The following ANKRD6 variants were observed in gnomAD, a reference collection of about 807,000 sequenced individuals.
ANKRD6 encodes ankyrin repeat domain 6.
A neutral mutation model predicts 82.3 loss-of-function variants in ANKRD6; 56 were observed. The ratio of observed to expected loss-of-function variants is 0.68; its 90% confidence interval spans 0.55 to 0.85. ANKRD6 has a LOEUF of 0.85. ANKRD6 is among the 40% of genes least tolerant of loss of function. The pLI, the probability that ANKRD6 is intolerant of heterozygous loss-of-function variation, is 0.00. For missense variants in ANKRD6, 852 were observed against 907.6 expected (o/e 0.94, Z 0.79); for synonymous variants, 347 against 352.1 (o/e 0.99, Z 0.16).
chr6:89,480,042 C>T (rs1180142903), intron 1 of ANKRD6, among the ~76,000 whole-genome samples: 1 of 152,118 alleles, frequency 6.6e-6, no homozygotes, highest in African/African-American at 2.4e-5. Context: ...TTAAGTTCCT[C>T]CTCCACCTAA....
At chr6:89,483,017 C>G (rs1776977058) in intron 1 of ANKRD6, among the ~76,000 whole-genome samples, 1 of 152,168 alleles carries the variant, frequency 6.6e-6, no homozygotes. Flanking sequence ...AACTCCAGAC[C>G]AGTTGCTTTT....
intron 1 of ANKRD6, among the ~76,000 whole-genome samples, chr6:89,541,797 GAT>G (rs552201673): frequency 2.7e-5 from 4 of 150,506 alleles, no homozygotes; most frequent in Admixed American, 6.6e-5. Flanking sequence ...TTTTCATAGA[GAT>G]ATATATATAT....
chr6:89,476,128 A>C (rs1041650203), intron 1 of ANKRD6, among the ~76,000 whole-genome samples: 1 of 152,120 alleles, frequency 6.6e-6, no homozygotes. Flanking sequence ...ACATGTGAAT[A>C]TATTTTACCA....
intron 2 of ANKRD6, among the ~76,000 whole-genome samples, chr6:89,570,063 A>ATGTGTGTGTGTGTGTGTGTG (rs10651458): frequency 2.2e-4 from 33 of 148,870 alleles, no homozygotes; most frequent in South Asian, 2.1e-3. Flanking sequence ...ATGTGTGTAT[A>ATGTGTGTGTGTGTGTGTGTG]TGTGTGTGTG....
At chr6:89,485,937 G>A (rs1777314235) in intron 1 of ANKRD6, among the ~76,000 whole-genome samples, 1 of 152,130 alleles carries the variant, frequency 6.6e-6, no homozygotes, top group Non-Finnish European at 1.5e-5. Flanking sequence ...TCTATTACCT[G>A]AAGCATGCGT....
intron 1 of ANKRD6, among the ~76,000 whole-genome samples, chr6:89,440,808 A>C (rs1269307969): frequency 1.4e-5 from 2 of 147,718 alleles, no homozygotes; most frequent in African/African-American, 4.9e-5. Flanking sequence ...CCCATCTCGA[A>C]AAAAAAAAAA....
At chr6:89,460,642 G>A (rs1010339225) in intron 1 of ANKRD6, among the ~76,000 whole-genome samples, 1 of 151,912 alleles carries the variant, frequency 6.6e-6, no homozygotes, top group African/African-American at 2.4e-5. Context: ...CACCATGTTG[G>A]CCAGGCTGGT....
intron 1 of ANKRD6, among the ~76,000 whole-genome samples, chr6:89,494,415 G>C (rs1778367035): frequency 6.6e-6 from 1 of 152,184 alleles, no homozygotes; most frequent in South Asian, 2.1e-4. Context: ...GGGCTGTGCA[G>C]GCCTGGCAAG....
intron 1 of ANKRD6, among the ~76,000 whole-genome samples, chr6:89,471,037 CTGTGTGTGTGTGCACG>C (rs1192037848): frequency 1.3e-5 from 2 of 151,664 alleles, no homozygotes; most frequent in Admixed American, 6.6e-5. Flanking sequence ...AAGTTAACGC[CTGTGTGTGTGTGCACG>C]TGCACACACT....
intron 3 of ANKRD6, among the ~76,000 whole-genome samples, chr6:89,596,236 C>T (rs1281469829): frequency 6.6e-6 from 1 of 152,028 alleles, no homozygotes; most frequent in African/African-American, 2.4e-5. Flanking sequence ...GGTGGTTCTC[C>T]ATCATGGTTC....
intron 1 of ANKRD6, among the ~76,000 whole-genome samples, chr6:89,517,770 A>C (rs1189740929): frequency 1.1e-4 from 16 of 152,354 alleles, no homozygotes. Flanking sequence ...TGCTAAACAG[A>C]GTAGATGCAC....
At chr6:89,543,636 C>T in intron 1 of ANKRD6, among the ~76,000 whole-genome samples, 1 of 152,206 alleles carries the variant, frequency 6.6e-6, no homozygotes, top group East Asian at 1.9e-4. Context: ...AAATCTTTAT[C>T]ATATGAACTG....
At chr6:89,501,176 C>T (rs1490677106) in intron 1 of ANKRD6, among the ~76,000 whole-genome samples, 2 of 152,120 alleles carry the variant, frequency 1.3e-5, no homozygotes, top group Non-Finnish European at 2.9e-5. Flanking sequence ...TTATATGGAA[C>T]ATAATTTGTA....
At chr6:89,468,472 A>G (rs1459062219) in intron 1 of ANKRD6, among the ~76,000 whole-genome samples, 1 of 151,950 alleles carries the variant, frequency 6.6e-6, no homozygotes, top group African/African-American at 2.4e-5. Flanking sequence ...TTTTTGTCTT[A>G]ATTTTTCTAT....
intron 1 of ANKRD6, among the ~76,000 whole-genome samples, chr6:89,518,046 A>C (rs1428925907): frequency 6.6e-6 from 1 of 152,242 alleles, no homozygotes; most frequent in Non-Finnish European, 1.5e-5. Flanking sequence ...AACAGCAAAA[A>C]CTGACATGGT....
intron 1 of ANKRD6, among the ~76,000 whole-genome samples, chr6:89,496,269 G>T (rs2127862935): frequency 6.6e-6 from 1 of 152,100 alleles, no homozygotes; most frequent in Admixed American, 6.6e-5. Context: ...CCTGTGAAGG[G>T]GTGTGAGGTC....
intron 1 of ANKRD6, among the ~76,000 whole-genome samples, chr6:89,497,692 C>G (rs1024941828): frequency 6.6e-6 from 1 of 152,052 alleles, no homozygotes; most frequent in African/African-American, 2.4e-5. Context: ...ATCTTCAGAG[C>G]TTTCGAATTT....
intron 12 of ANKRD6, 36 bp downstream of exon 12, chr6:89,624,093 G>A (rs1804684597): frequency 1.3e-6 from 2 of 1,554,746 alleles, no homozygotes; most frequent in African/African-American, 1.4e-5. Context: ...AGGGAACATA[G>A]GCCTTCAGCA....
At chr6:89,498,714 T>C (rs1158366248) in intron 1 of ANKRD6, among the ~76,000 whole-genome samples, 3 of 152,198 alleles carry the variant, frequency 2.0e-5, no homozygotes, top group Non-Finnish European at 4.4e-5. Flanking sequence ...GAGAATACAA[T>C]CCGGTCATTG....
Sources: gnomAD v4.1 joint callset for allele counts (sites outside exome capture counted in the v4.1 genomes callset) on GRCh38, gnomAD v4.1.1 for gene constraint, MANE v1.5 for transcripts, NCBI Gene and HGNC (gene_info 2026-07-23, HGNC 2026-07-21) for gene names.